Variants in ERBB4 observed in about 807,000 individuals in gnomAD.
The protein encoded by ERBB4 is receptor tyrosine-protein kinase erbB-4.
ERBB4 carries 42 observed loss-of-function variants against 158.0 expected under a neutral mutation model. The ratio of observed to expected loss-of-function variants is 0.27; its 90% CI spans 0.21 to 0.34. The LOEUF is 0.34. Among genes scored for constraint, ERBB4 ranks in the 10% least tolerant of loss-of-function variants. The pLI, the probability that ERBB4 is intolerant of heterozygous loss-of-function variation, is 1.00. For missense variants in ERBB4, 1,333 were observed against 1,624.1 expected, an observed-to-expected ratio of 0.82 and a Z score of 3.08; for synonymous variants, 583 against 558.7, an observed-to-expected ratio of 1.04 and a Z score of -0.61.
chr2:212,521,577 C>G (rs1692169870), intron 1 of ERBB4, among the ~76,000 whole-genome samples: 1 of 151,772 alleles, frequency 6.6e-6, no homozygotes, highest in Admixed American at 6.6e-5. Flanking sequence ...TAGTTCTCTC[C>G]TACTACTACT....
chr2:212,129,643 T>A (rs2125582291), intron 1 of ERBB4, among the ~76,000 whole-genome samples: 1 of 152,030 alleles, frequency 6.6e-6, no homozygotes, highest in Admixed American at 6.6e-5. Flanking sequence ...CTAAAAAAAA[T>A]TGCTATTCCT....
At chr2:212,523,096 T>C (rs2106320634) in intron 1 of ERBB4, among the ~76,000 whole-genome samples, 1 of 114,034 alleles carries the variant, frequency 8.8e-6, no homozygotes, top group Non-Finnish European at 1.9e-5. Context: ...GATCCAAAAG[T>C]GGTAGTAAAA....
intron 2 of ERBB4, among the ~76,000 whole-genome samples, chr2:211,996,123 T>A (rs1322444509): frequency 2.6e-5 from 4 of 152,170 alleles, no homozygotes; most frequent in Non-Finnish European, 5.9e-5. Flanking sequence ...AAGGTTTAGG[T>A]AGATATTAAT....
chr2:212,272,562 A>G (rs1210627122), intron 1 of ERBB4, among the ~76,000 whole-genome samples: 1 of 151,772 alleles, frequency 6.6e-6, no homozygotes, highest in Non-Finnish European at 1.5e-5. Flanking sequence ...GCTAGAGGAG[A>G]GTCACCTGAC....
chr2:211,424,113 A>T, intron 23 of ERBB4, 42 bp downstream of exon 23: 1 of 1,579,156 alleles, frequency 6.3e-7, no homozygotes, highest in Non-Finnish European at 8.7e-7. Context: ...CTATTACTTT[A>T]CTAAGAATGA....
At chr2:212,406,795 C>A (rs2091357724) in intron 1 of ERBB4, among the ~76,000 whole-genome samples, 1 of 152,026 alleles carries the variant, frequency 6.6e-6, no homozygotes, top group Admixed American at 6.6e-5. Context: ...TTCTCCATTA[C>A]CATCAAGAAA....
At chr2:212,537,794 C>CA (rs1693179013) in intron 1 of ERBB4, among the ~76,000 whole-genome samples, 1 of 151,558 alleles carries the variant, frequency 6.6e-6, no homozygotes, top group Non-Finnish European at 1.5e-5. Flanking sequence ...AAGCGCCCCT[C>CA]AAGTCAATGG....
intron 1 of ERBB4, among the ~76,000 whole-genome samples, chr2:212,274,352 C>T (rs2085449798): frequency 6.6e-6 from 1 of 151,802 alleles, no homozygotes; most frequent in African/African-American, 2.4e-5. Flanking sequence ...TACGGTATTG[C>T]ACTAAACACA....
chr2:212,108,449 C>T (rs1420284339), intron 2 of ERBB4, among the ~76,000 whole-genome samples: 1 of 152,174 alleles, frequency 6.6e-6, no homozygotes, highest in Non-Finnish European at 1.5e-5. Flanking sequence ...GATAAGCACT[C>T]AAGATCAAAG....
intron 1 of ERBB4, among the ~76,000 whole-genome samples, chr2:212,235,876 G>A (rs1211000202): frequency 2.6e-5 from 4 of 152,114 alleles, no homozygotes; most frequent in South Asian, 2.1e-4. Flanking sequence ...GGGCTGACAC[G>A]AAGGCGTTTT....
intron 2 of ERBB4, among the ~76,000 whole-genome samples, chr2:211,987,787 T>C (rs1053941584): frequency 6.6e-6 from 1 of 152,222 alleles, no homozygotes; most frequent in Non-Finnish European, 1.5e-5. Context: ...AACATTCTAA[T>C]GCCTCAAATA....
chr2:212,192,937 C>T (rs957226911), intron 1 of ERBB4, among the ~76,000 whole-genome samples: 3 of 152,214 alleles, frequency 2.0e-5, no homozygotes, highest in Non-Finnish European at 4.4e-5. Flanking sequence ...TTCCCTAAAC[C>T]GTATTGATCC....
At chr2:212,068,958 C>T (rs1189680929) in intron 2 of ERBB4, among the ~76,000 whole-genome samples, 1 of 152,008 alleles carries the variant, frequency 6.6e-6, no homozygotes, top group Admixed American at 6.6e-5. Context: ...CTGATAGTCT[C>T]ATAAAGGGGA....
chr2:212,347,348 T>C (rs193276744), intron 1 of ERBB4, among the ~76,000 whole-genome samples: 1 of 152,184 alleles, frequency 6.6e-6, no homozygotes, highest in East Asian at 1.9e-4. Flanking sequence ...TAGTAAATAA[T>C]TACAACTTTG....
At chr2:212,400,856 T>TG (rs1182814277) in intron 1 of ERBB4, among the ~76,000 whole-genome samples, 1 of 152,162 alleles carries the variant, frequency 6.6e-6, no homozygotes, top group East Asian at 1.9e-4. Context: ...TACTTGGGTC[T>TG]GGGGCAACAA....
At chr2:212,137,764 G>C (rs2080320408) in intron 1 of ERBB4, among the ~76,000 whole-genome samples, 1 of 152,088 alleles carries the variant, frequency 6.6e-6, no homozygotes, top group South Asian at 2.1e-4. Context: ...CTTCCAAAAT[G>C]GTTAAACAAA....
intron 20 of ERBB4, among the ~76,000 whole-genome samples, chr2:211,525,981 A>G (rs2066337108): frequency 6.6e-6 from 1 of 152,082 alleles, no homozygotes; most frequent in South Asian, 2.1e-4. Context: ...TAGCTGCCAG[A>G]TGGGGGAACT....
chr2:212,054,640 T>C (rs936470954), intron 2 of ERBB4, among the ~76,000 whole-genome samples: 1 of 152,128 alleles, frequency 6.6e-6, no homozygotes, highest in African/African-American at 2.4e-5. Context: ...CCCTCTCCAG[T>C]GCCAATCCTA....
chr2:211,913,102 TTAAA>T (rs1198179204), intron 3 of ERBB4, among the ~76,000 whole-genome samples: 5 of 152,146 alleles, frequency 3.3e-5, no homozygotes, highest in African/African-American at 1.2e-4. Context: ...TCTGTACAGG[TTAAA>T]TAAATGTGTA....
Sources: allele counts gnomAD v4.1 joint callset (sites outside exome capture counted in the v4.1 genomes callset), GRCh38; gene constraint gnomAD v4.1.1; transcripts MANE v1.5; gene names NCBI Gene and HGNC (gene_info 2026-07-23, HGNC 2026-07-21).